Variants in GPC5 observed in about 807,000 individuals in gnomAD.
The protein encoded by GPC5 is glypican 5.
GPC5 carries 47 observed loss-of-function variants against 53.9 expected under a neutral mutation model. The observed-to-expected ratio is 0.87, with a 90% CI of 0.69 to 1.11. GPC5 has a LOEUF of 1.11. Ranked by LOEUF, GPC5 falls within the 50% of genes most tolerant of loss-of-function variation. GPC5 has a pLI of 0.00. For missense variants in GPC5, 748 were observed against 713.1 expected (o/e 1.05, Z -0.56); for synonymous variants, 286 against 263.3 (o/e 1.09, Z -0.84).
chr13:91,890,273 T>G (rs1411002831), intron 5 of GPC5, among the ~76,000 whole-genome samples: 2 of 152,212 alleles, frequency 1.3e-5, no homozygotes, highest in Non-Finnish European at 2.9e-5. Flanking sequence ...TCCCCCTTCA[T>G]GGCCTTCTCC....
At chr13:91,526,848 C>T (rs180797089) in intron 2 of GPC5, among the ~76,000 whole-genome samples, 3 of 152,260 alleles carry the variant, frequency 2.0e-5, no homozygotes, top group South Asian at 2.1e-4. Flanking sequence ...GCATGTCTTA[C>T]GTGGCAGCAG....
intron 7 of GPC5, among the ~76,000 whole-genome samples, chr13:92,227,145 A>AC (rs1282693173): frequency 6.6e-6 from 1 of 152,172 alleles, no homozygotes; most frequent in African/African-American, 2.4e-5. Flanking sequence ...GAAAACATTG[A>AC]ATAGTAAAGT....
intron 5 of GPC5, among the ~76,000 whole-genome samples, chr13:91,820,472 T>TC (rs1241550282): frequency 2.6e-5 from 4 of 152,018 alleles, no homozygotes; most frequent in African/African-American, 9.7e-5. Flanking sequence ...CTGCAAAGCC[T>TC]CCCCCCACCA....
At chr13:92,024,286 A>G (rs961927716) in intron 6 of GPC5, among the ~76,000 whole-genome samples, 1 of 152,098 alleles carries the variant, frequency 6.6e-6, no homozygotes, top group African/African-American at 2.4e-5. Context: ...TAAACACTGT[A>G]TTGGCACTGC....
intron 5 of GPC5, among the ~76,000 whole-genome samples, chr13:91,819,199 G>A (rs1240066565): frequency 3.6e-5 from 4 of 112,028 alleles, no homozygotes; most frequent in South Asian, 3.3e-4. Flanking sequence ...TCACACTCTC[G>A]CCTGGGCTGG....
intron 2 of GPC5, among the ~76,000 whole-genome samples, chr13:91,588,739 C>A (rs1026053275): frequency 2.0e-5 from 3 of 151,978 alleles, no homozygotes. Context: ...ACCTTTATAA[C>A]CTTCTTGTGT....
intron 2 of GPC5, among the ~76,000 whole-genome samples, chr13:91,454,729 A>G (rs185649231): frequency 6.6e-6 from 1 of 152,222 alleles, no homozygotes; most frequent in African/African-American, 2.4e-5. Flanking sequence ...CTTCCCTAAC[A>G]GTAGCTAGTA....
At chr13:92,049,593 T>C (rs981947833) in intron 6 of GPC5, among the ~76,000 whole-genome samples, 6 of 152,130 alleles carry the variant, frequency 3.9e-5, no homozygotes, top group Non-Finnish European at 2.9e-5. Context: ...TAATTGTTCC[T>C]TTACAATAGG....
intron 7 of GPC5, among the ~76,000 whole-genome samples, chr13:92,367,411 A>T (rs900269401): frequency 6.6e-6 from 1 of 152,208 alleles, no homozygotes; most frequent in African/African-American, 2.4e-5. Context: ...ACCTCTGTGA[A>T]GAATTTTCTT....
chr13:92,111,710 G>A (rs2041558345), intron 6 of GPC5, among the ~76,000 whole-genome samples: 1 of 152,112 alleles, frequency 6.6e-6, no homozygotes, highest in African/African-American at 2.4e-5. Context: ...AAAAAAAGGT[G>A]ATAACTTTGA....
chr13:92,512,591 T>TG (rs1236722902), intron 7 of GPC5, among the ~76,000 whole-genome samples: 2 of 152,182 alleles, frequency 1.3e-5, no homozygotes, highest in African/African-American at 4.8e-5. Context: ...GATGTTGATC[T>TG]GTTACTTTTT....
At position 92,176,050 on chromosome 13, in the gene GPC5, A is replaced by G. The variant is rs9805291; in HGVS notation, c.1561+31061A>G. 6.7e-3 allele frequency among the ~76,000 whole-genome samples: 1,018 copies of G among 152,284 alleles called. 6 individuals carry two copies. Among genetic ancestry groups the G allele is most frequent in the African/African-American group, 0.022 (926 of 41,556 alleles). Reference sequence around the variant, plus strand: ...TGAAGTTTGCTCCTTACCCATTGCTAGTGTTTGTTTTCCTCTAAGACAGTG... The same window carrying G: ...TGAAGTTTGCTCCTTACCCATTGCTGGTGTTTGTTTTCCTCTAAGACAGTG... On this transcript the variant is annotated intron_variant, in intron 7 of 7. Transcript: ENST00000377067.
chr13:92,422,908 G>A (rs1031927537), intron 7 of GPC5, among the ~76,000 whole-genome samples: 1 of 152,186 alleles, frequency 6.6e-6, no homozygotes, highest in Non-Finnish European at 1.5e-5. Context: ...TGAGAATTCT[G>A]TATTTTGCAT....
chr13:92,425,805 T>C lies in GPC5; in HGVS notation c.1561+280816T>C, dbSNP rs1444000388. 2.0e-5 allele frequency among the ~76,000 whole-genome samples: 3 copies of C among 152,146 alleles called. No individual in the cohort carries two copies. In the South Asian group the frequency reaches 6.2e-4, roughly 31 times the overall value. ...ACTGCTTCTCCCTTCAAAATATATG[T>C]ATATATTTTAGCTATTTTGTAGTTT... On this transcript the variant is annotated intron_variant, in intron 7 of 7. Coordinates refer to ENST00000377067, the MANE Select transcript of GPC5 (RefSeq NM_004466.6).
chr13:91,957,383 G>C (rs1278651375), intron 6 of GPC5, among the ~76,000 whole-genome samples: 2 of 151,964 alleles, frequency 1.3e-5, no homozygotes, highest in Admixed American at 6.6e-5. Context: ...GAAGACAAAG[G>C]GAAAGGAATA....
chr13:92,633,111 G>A (rs2139135932), intron 7 of GPC5, among the ~76,000 whole-genome samples: 1 of 152,202 alleles, frequency 6.6e-6, no homozygotes, highest in South Asian at 2.1e-4. Flanking sequence ...GGCTGGTCAT[G>A]AACTCCTGAC....
intron 7 of GPC5, among the ~76,000 whole-genome samples, chr13:92,227,814 C>T (rs1025559248): frequency 1.3e-5 from 2 of 152,010 alleles, no homozygotes; most frequent in African/African-American, 2.4e-5. Flanking sequence ...GATGTTTTCA[C>T]ACAGTGGTAC....
chr13:92,600,465 T>G (rs547875801), intron 7 of GPC5, among the ~76,000 whole-genome samples: 1 of 151,000 alleles, frequency 6.6e-6, no homozygotes, highest in South Asian at 2.1e-4. Flanking sequence ...TCCCATGTGT[T>G]TTTTTTTCTT....
chr13:92,092,223 C>T (rs2041386951), intron 6 of GPC5, among the ~76,000 whole-genome samples: 1 of 152,186 alleles, frequency 6.6e-6, no homozygotes, highest in Non-Finnish European at 1.5e-5. Context: ...ACACCTTAGG[C>T]TCTCTGCATG....
Sources: gnomAD v4.1 joint callset for allele counts (sites outside exome capture counted in the v4.1 genomes callset) on GRCh38, gnomAD v4.1.1 for gene constraint, MANE v1.5 for transcripts, NCBI Gene and HGNC (gene_info 2026-07-23, HGNC 2026-07-21) for gene names.